NCOA7: variants seen among roughly 807,000 people sequenced by gnomAD.
NCOA7 encodes the protein nuclear receptor coactivator 7.
In NCOA7, 45 loss-of-function variants were observed where a neutral mutation model predicts 104.3. The ratio of observed to expected loss-of-function variants is 0.43; its 90% CI spans 0.34 to 0.55. The LOEUF is 0.55. Among genes scored for constraint, NCOA7 ranks in the 20% least tolerant of loss-of-function variants. The probability of loss-of-function intolerance (pLI) is 0.02; values close to 1 mark genes in which losing one functional copy is unlikely to be tolerated. For synonymous variants in NCOA7, 398 were observed against 402.3 expected (o/e 0.99, Z 0.13); for missense variants, 1,041 against 1,119.7 (o/e 0.93, Z 1.00).
At chr6:125,918,419 C>T (rs921270767) in intron 11 of NCOA7, among the ~76,000 whole-genome samples, 1 of 152,170 alleles carries the variant, frequency 6.6e-6, no homozygotes, top group Non-Finnish European at 1.5e-5. Flanking sequence ...TTCTGCTGGC[C>T]GTGGACTGGT....
intron 1 of NCOA7, among the ~76,000 whole-genome samples, chr6:125,805,772 A>G (rs753910867): frequency 6.6e-6 from 1 of 152,114 alleles, no homozygotes; most frequent in Non-Finnish European, 1.5e-5. Flanking sequence ...TTAGTTTACT[A>G]TTTGGGGCGG....
intron 10 of NCOA7, among the ~76,000 whole-genome samples, chr6:125,914,801 C>T (rs1486823142): frequency 2.6e-5 from 4 of 152,178 alleles, no homozygotes; most frequent in Admixed American, 2.6e-4. Context: ...AAGCAAAGAA[C>T]ATTCCTGCGT....
chr6:125,899,628 T>G (rs1287285593), intron 10 of NCOA7, among the ~76,000 whole-genome samples: 1 of 152,244 alleles, frequency 6.6e-6, no homozygotes, highest in Non-Finnish European at 1.5e-5. Context: ...TGTCTTCCTA[T>G]TTAGTATGAA....
chr6:125,804,824 A>G (rs995602980), intron 1 of NCOA7, among the ~76,000 whole-genome samples: 3 of 152,124 alleles, frequency 2.0e-5, no homozygotes, highest in African/African-American at 4.8e-5. Context: ...GACTGTCTGT[A>G]TTTACCAATT....
At chr6:125,808,395 A>T (rs1272247318) in intron 1 of NCOA7, among the ~76,000 whole-genome samples, 2 of 152,164 alleles carry the variant, frequency 1.3e-5, no homozygotes, top group African/African-American at 4.8e-5. Context: ...ATCTCATTTA[A>T]TCAGCTGATA....
chr6:125,866,312 A>G (rs111566304), intron 3 of NCOA7, among the ~76,000 whole-genome samples: 23 of 152,242 alleles, frequency 1.5e-4, no homozygotes, highest in Middle Eastern at 3.4e-3. Context: ...CTGGACAACA[A>G]GAGCGAAATT....
Position 125,931,424 on chromosome 6 carries a change from G to A in NCOA7, c.*2653G>A, listed in dbSNP as rs1435592019. On this transcript the variant is annotated 3_prime_UTR_variant, in exon 16 of 16. Transcript: ENST00000392477. Reference sequence around the variant, plus strand: ...TGTCTTAACCTACTTCATAATTTCCGTAAGGGACACTTTACTCTCTGATAA... The same window carrying A: ...TGTCTTAACCTACTTCATAATTTCCATAAGGGACACTTTACTCTCTGATAA... 5 of 152,054 alleles carry A rather than the reference G, an allele frequency of 3.3e-5. No homozygotes were observed. Among genetic ancestry groups the A allele is most frequent in the East Asian group, 3.8e-4 (2 of 5,198 alleles). 9.4% of individuals were successfully genotyped at this position (152,054 alleles called of 1,614,324 possible). A position where few individuals can be genotyped will look rare whatever the true frequency, so the allele number is the denominator to read the frequency against.
chr6:125,919,226 T>A, intron 11 of NCOA7: 2 of 1,583,368 alleles, frequency 1.3e-6, no homozygotes, highest in South Asian at 1.1e-5. Flanking sequence ...AGAAACTCAA[T>A]CATGCAGGAA....
chr6:125,864,387 G>A (rs1227276442), intron 3 of NCOA7, among the ~76,000 whole-genome samples: 1 of 137,368 alleles, frequency 7.3e-6, no homozygotes, highest in Non-Finnish European at 1.5e-5. Flanking sequence ...TTCTAGAAGT[G>A]TATTCACCAG....
intron 3 of NCOA7, among the ~76,000 whole-genome samples, chr6:125,859,932 TAAC>T (rs1781898580): frequency 2.0e-5 from 3 of 152,200 alleles, no homozygotes; most frequent in African/African-American, 7.2e-5. Context: ...AATTGCCTCA[TAAC>T]AACATGGTGC....
At chr6:125,912,449 T>A (rs1487701197) in intron 10 of NCOA7, among the ~76,000 whole-genome samples, 1 of 152,000 alleles carries the variant, frequency 6.6e-6, no homozygotes, top group Non-Finnish European at 1.5e-5. Flanking sequence ...CTAATTGGAG[T>A]CAAAGGATTG....
intron 10 of NCOA7, among the ~76,000 whole-genome samples, chr6:125,911,526 G>T (rs912524081): frequency 1.3e-5 from 2 of 152,128 alleles, no homozygotes; most frequent in African/African-American, 2.4e-5. Context: ...AACTGGAGTC[G>T]CTCTGGTTTG....
At chr6:125,901,234 T>C (rs903701811) in intron 10 of NCOA7, among the ~76,000 whole-genome samples, 3 of 152,248 alleles carry the variant, frequency 2.0e-5, no homozygotes, top group African/African-American at 7.2e-5. Flanking sequence ...ATGTAATAGC[T>C]ATTAAATTGT....
chr6:125,855,128 C>G lies in NCOA7; in HGVS notation c.159C>G (p.Asp53Glu). ...EDNNTVVLEP[D>E]KCNIAVEEEY... The stretch of plus-strand genomic sequence containing the variant: ...ATAATACAGTAGTTTTAGAGCCAGA[C>G]AAGTGCAACATTGCTGTGGAAGAGG... Residue 53 changes from aspartate (D) to glutamate (E), a missense_variant, in exon 3 of 16, where the codon GAC becomes GAG. This residue lies in a region of NCOA7 where 914 missense variants were observed against 942.7 expected (regional missense o/e 0.97). Transcript: ENST00000392477. 2 of 1,612,654 alleles carry G rather than the reference C, an allele frequency of 1.2e-6. No individual in the cohort carries two copies. Among genetic ancestry groups the G allele is most frequent in the Non-Finnish European group, 1.7e-6 (2 of 1,179,722 alleles).
At chr6:125,881,269 C>A in intron 6 of NCOA7, 66 bp downstream of exon 6, 1 of 1,168,964 alleles carries the variant, frequency 8.6e-7, no homozygotes, top group Non-Finnish European at 1.3e-6. Flanking sequence ...TAGAATTCAA[C>A]ATGTTATTTT....
At chr6:125,918,434 A>C (rs1787266823) in intron 11 of NCOA7, among the ~76,000 whole-genome samples, 1 of 152,158 alleles carries the variant, frequency 6.6e-6, no homozygotes, top group Admixed American at 6.5e-5. Flanking sequence ...ACTGGTCTCT[A>C]AGTATCTGCT....
chr6:125,885,268 G>T lies in NCOA7; in HGVS notation c.809G>T (p.Cys270Phe). The change falls in exon 8 of 16, where the codon TGC becomes TTC. Residue 270 changes from cysteine to phenylalanine, a missense_variant. Around this residue, in one of 2 missense-constraint regions of NCOA7, gnomAD observed 914 missense variants for 942.7 expected, o/e 0.97. Transcript: ENST00000392477. ...GGGTGTGAGGAGTATGGTCTCATCT[G>T]CCCCATGGAAGAGGTTGTTTCCATT... Reference protein sequence around the residue: ...ENGCEEYGLICPMEEVVSIAL... With the variant: ...ENGCEEYGLIFPMEEVVSIAL... 6.2e-7 allele frequency: 1 copy of T among 1,614,008 alleles called. No homozygotes were observed.
intron 10 of NCOA7, among the ~76,000 whole-genome samples, chr6:125,897,227 G>A (rs1466854415): frequency 2.0e-5 from 3 of 152,192 alleles, no homozygotes; most frequent in African/African-American, 7.2e-5. Flanking sequence ...ATCACCCAGA[G>A]TTCTCCATGG....
At chr6:125,898,697 T>G (rs1272807755) in intron 10 of NCOA7, among the ~76,000 whole-genome samples, 1 of 152,212 alleles carries the variant, frequency 6.6e-6, no homozygotes, top group Non-Finnish European at 1.5e-5. Flanking sequence ...AAACCCCTTC[T>G]GTATTTTTAA....
Sources: gnomAD v4.1 joint callset for allele counts (sites outside exome capture counted in the v4.1 genomes callset) on GRCh38, gnomAD v4.1.1 for gene constraint, gnomAD v4.1.1 regional missense constraint, MANE v1.5 for transcripts, NCBI Gene and HGNC (gene_info 2026-07-23, HGNC 2026-07-21) for gene names.